TENM3: variants seen among roughly 807,000 people sequenced by gnomAD.
TENM3 encodes the protein teneurin transmembrane protein 3, also known as teneurin-3.
TENM3 carries 63 observed loss-of-function variants against 255.1 expected under a neutral mutation model. The observed-to-expected ratio is 0.25, with a 90% CI of 0.20 to 0.30. TENM3 has a LOEUF of 0.30. Ranked by LOEUF, TENM3 falls within the 10% of genes least tolerant of loss-of-function variation. TENM3 has a pLI of 1.00. For synonymous variants in TENM3, 1,306 were observed against 1,322.3 expected, an observed-to-expected ratio of 0.99 and a Z score of 0.27; for missense variants, 2,929 against 3,461.1, an observed-to-expected ratio of 0.85 and a Z score of 3.86.
chr4:181,564,122 C>A, the TENM3 span, among the ~76,000 whole-genome samples: 16,449 of 148,072 alleles, frequency 0.11, 1,003 homozygotes, highest in Middle Eastern at 0.16. Context: ...CTCACTGCAA[C>A]CTCTGCCTCC....
At chr4:182,219,619 C>T (rs1215904435) in intron 1 of TENM3, among the ~76,000 whole-genome samples, 4 of 152,196 alleles carry the variant, frequency 2.6e-5, no homozygotes, top group Admixed American at 6.5e-5. Flanking sequence ...GAGTCATCAT[C>T]GCGCCACTGC....
At chr4:181,711,987 A>T in the TENM3 span, among the ~76,000 whole-genome samples, 6 of 152,286 alleles carry the variant, frequency 3.9e-5, no homozygotes, top group African/African-American at 1.4e-4. Flanking sequence ...TTGTTTTGAT[A>T]TATTTATTAT....
the TENM3 span, among the ~76,000 whole-genome samples, chr4:182,063,869 A>G: frequency 6.6e-6 from 1 of 152,204 alleles, no homozygotes; most frequent in African/African-American, 2.4e-5. Flanking sequence ...TCCAGGCCAG[A>G]GTATTAGGAA....
In TENM3 at chr4:182,388,591, C is replaced by T. The variant is rs139990621; in HGVS notation, c.511+41662C>T. ...TTGTTCTCTCACCAAGTCAAAAATGCTCTGCTGGCTTTTCAAACATCTACA... is the reference window on the plus strand; with the variant it reads ...TTGTTCTCTCACCAAGTCAAAAATGTTCTGCTGGCTTTTCAAACATCTACA... On this transcript the variant is annotated intron_variant, in intron 3 of 27. Coordinates refer to ENST00000511685, the MANE Select transcript of TENM3 (RefSeq NM_001080477.4). 3.4e-3 allele frequency among the ~76,000 whole-genome samples: 517 copies of T among 152,272 alleles called. 3 individuals are homozygous for T. The highest frequency in any genetic ancestry group is 0.012 in the African/African-American group (494 of 41,544).
intron 3 of TENM3, among the ~76,000 whole-genome samples, chr4:182,534,797 C>T (rs1022764423): frequency 1.3e-5 from 2 of 152,098 alleles, no homozygotes; most frequent in Non-Finnish European, 2.9e-5. Context: ...CACTTAAAAA[C>T]GTGGATTTGG....
At chr4:182,057,714 T>C in the TENM3 span, among the ~76,000 whole-genome samples, 1 of 152,042 alleles carries the variant, frequency 6.6e-6, no homozygotes, top group Non-Finnish European at 1.5e-5. Flanking sequence ...AATCGTTCAT[T>C]TCACCTCTGG....
At chr4:182,777,400 A>T (rs1764757455) in intron 24 of TENM3, among the ~76,000 whole-genome samples, 1 of 152,082 alleles carries the variant, frequency 6.6e-6, no homozygotes, top group Admixed American at 6.5e-5. Context: ...GAGAGGGGCT[A>T]TGTGAACACA....
chr4:181,458,214 G>A, the TENM3 span, among the ~76,000 whole-genome samples: 1 of 151,880 alleles, frequency 6.6e-6, no homozygotes, highest in African/African-American at 2.4e-5. Flanking sequence ...TCTGAAATGA[G>A]GGTTAAAGGA....
At chr4:181,508,098 CG>C in the TENM3 span, among the ~76,000 whole-genome samples, 1 of 152,144 alleles carries the variant, frequency 6.6e-6, no homozygotes, top group East Asian at 1.9e-4. Context: ...GGATGGAGCC[CG>C]CATCTCCTCC....
At chr4:181,544,408 T>TAAAAAAAAAAAAAAAAAAAAAAAA in the TENM3 span, among the ~76,000 whole-genome samples, 19 of 68,668 alleles carry the variant, frequency 2.8e-4, 3 homozygotes, top group African/African-American at 4.2e-4. Context: ...CCTTCAGGAT[T>TAAAAAAAAAAAAAAAAAAAAAAAA]AAAAAAAAAA....
At chr4:181,984,442 G>A in the TENM3 span, among the ~76,000 whole-genome samples, 7 of 151,776 alleles carry the variant, frequency 4.6e-5, no homozygotes, top group African/African-American at 9.7e-5. Context: ...TAAAATTTCC[G>A]GGAAGAAAGA....
chr4:182,084,167 C>T, the TENM3 span, among the ~76,000 whole-genome samples: 281 of 152,158 alleles, frequency 1.8e-3, 1 homozygote, highest in Middle Eastern at 3.4e-3. Flanking sequence ...TATGGCCTCC[C>T]GCAGACTCGT....
chr4:182,725,930 GC>G (rs1760138839), intron 13 of TENM3, among the ~76,000 whole-genome samples: 1 of 152,062 alleles, frequency 6.6e-6, no homozygotes, highest in African/African-American at 2.4e-5. Flanking sequence ...GAGCTACCGC[GC>G]CCGGCTTAAT....
At position 182,622,765 on chromosome 4, in the gene TENM3, G is replaced by A. The variant is rs536212633; in HGVS notation, c.750-5886G>A. Among the ~76,000 whole-genome samples the A allele has an allele frequency of 1.6e-4, 24 of 152,126 alleles. 1 individual carries two copies. In the South Asian group the frequency reaches 3.5e-3, roughly 22 times the overall value. On this transcript the variant is annotated intron_variant, in intron 4 of 27. Coordinates refer to ENST00000511685, the MANE Select transcript of TENM3 (RefSeq NM_001080477.4). Reference sequence around the variant, plus strand: ...CTCACTTTTCCTCGTCTACATAATAGTCACCATTTTATTTATTTTACACAT... The same window carrying A: ...CTCACTTTTCCTCGTCTACATAATAATCACCATTTTATTTATTTTACACAT...
At chr4:181,878,745 A>T in the TENM3 span, among the ~76,000 whole-genome samples, 1 of 151,640 alleles carries the variant, frequency 6.6e-6, no homozygotes, top group Non-Finnish European at 1.5e-5. Flanking sequence ...TCATCTTCCC[A>T]TCCATCCATC....
At chr4:181,681,367 C>T in the TENM3 span, among the ~76,000 whole-genome samples, 1 of 152,028 alleles carries the variant, frequency 6.6e-6, no homozygotes, top group Non-Finnish European at 1.5e-5. Context: ...TGCTCACAGG[C>T]AGGTGTAAAG....
chr4:181,701,422 G>T, the TENM3 span, among the ~76,000 whole-genome samples: 1 of 152,208 alleles, frequency 6.6e-6, no homozygotes. Context: ...CATTGATTTA[G>T]CCATGAGCTC....
rs1181242195 is a variant in TENM3 at position 182,161,697 on chromosome 4, A to G, written c.-76+16943A>G. ...TATGTATATATATACACAAATATAT[A>G]TGTATATATATACATATATATGTGT... is the stretch of plus-strand genomic sequence containing the variant. On this transcript the variant is annotated intron_variant, in intron 1 of 2. Transcript: ENST00000512480. 9.3e-4 allele frequency among the ~76,000 whole-genome samples: 101 copies of G among 109,052 alleles called. 9 individuals are homozygous for G. Among genetic ancestry groups the G allele is most frequent in the African/African-American group, 3.5e-3 (90 of 25,390 alleles). The allele number at this position is 109,052 out of a possible 152,430, so 71.5% of individuals were successfully genotyped here. A position where few individuals can be genotyped will look rare whatever the true frequency, so the allele number is the denominator to read the frequency against.
rs145300818 is a variant in TENM3 at position 182,762,220 on chromosome 4, T to C, written c.4892+6961T>C. ...GAATTAACTCTTTCAGGGTGTTCCATTTGGCAAGTCAATATTCCGGATGTG... is the reference window on the plus strand; with the variant it reads ...GAATTAACTCTTTCAGGGTGTTCCACTTGGCAAGTCAATATTCCGGATGTG... On this transcript the variant is annotated intron_variant, in intron 22 of 27. Coordinates refer to ENST00000511685, the MANE Select transcript of TENM3 (RefSeq NM_001080477.4). 5.2e-4 allele frequency among the ~76,000 whole-genome samples: 79 copies of C among 152,344 alleles called. 1 individual carries two copies. Among genetic ancestry groups the C allele is most frequent in the Non-Finnish European group, 8.8e-5 (6 of 68,032 alleles).
Sources: gnomAD v4.1 joint callset for allele counts (sites outside exome capture counted in the v4.1 genomes callset) on GRCh38, gnomAD v4.1.1 for gene constraint, MANE v1.5 for transcripts, NCBI Gene and HGNC (gene_info 2026-07-23, HGNC 2026-07-21) for gene names.